The following SORCS3 variants were observed in gnomAD, a reference collection of about 807,000 sequenced individuals.
SORCS3 encodes VPS10 domain-containing receptor SorCS3.
A neutral mutation model predicts 146.3 loss-of-function variants in SORCS3; 57 were observed. The ratio of observed to expected loss-of-function variants is 0.39; its 90% CI spans 0.31 to 0.49. The LOEUF (loss-of-function observed/expected upper bound fraction) is 0.49. SORCS3 is among the 20% of genes least tolerant of loss of function. SORCS3 has a pLI of 0.92. For missense variants in SORCS3, 1,341 were observed against 1,575.5 expected, an observed-to-expected ratio of 0.85 and a Z score of 2.52; for synonymous variants, 653 against 618.5, an observed-to-expected ratio of 1.06 and a Z score of -0.83.
intron 14 of SORCS3, among the ~76,000 whole-genome samples, chr10:105,197,446 A>T (rs1043720633): frequency 2.6e-5 from 4 of 152,202 alleles, no homozygotes; most frequent in Admixed American, 2.6e-4. Flanking sequence ...TGTGCTGTAG[A>T]TTCAAACACT....
chr10:105,242,493 TA>T (rs1564793524), intron 20 of SORCS3, among the ~76,000 whole-genome samples: 7 of 17,278 alleles, frequency 4.1e-4, no homozygotes, highest in Non-Finnish European at 7.1e-4. Flanking sequence ...TTTATATATT[TA>T]TATATATTTA....
intron 5 of SORCS3, among the ~76,000 whole-genome samples, chr10:105,045,037 A>AAAAAAAAAAAAGAAAGAAAG (rs796179490): frequency 1.3e-4 from 17 of 128,736 alleles, no homozygotes; most frequent in African/African-American, 4.2e-4. Context: ...AAAAAAAAAA[A>AAAAAAAAAAAAGAAAGAAAG]AAAAGAAAGA....
chr10:105,197,449 C>A (rs1376580902), intron 14 of SORCS3, among the ~76,000 whole-genome samples: 1 of 152,168 alleles, frequency 6.6e-6, no homozygotes, highest in African/African-American at 2.4e-5. Flanking sequence ...GCTGTAGATT[C>A]AAACACTCAG....
chr10:104,716,887 GTTCT>G (rs2016485767), intron 1 of SORCS3, among the ~76,000 whole-genome samples: 1 of 152,208 alleles, frequency 6.6e-6, no homozygotes, highest in Non-Finnish European at 1.5e-5. Context: ...TGGCACTGCA[GTTCT>G]GACTGGAAGA....
intron 5 of SORCS3, among the ~76,000 whole-genome samples, chr10:105,062,342 A>T (rs2055493540): frequency 6.6e-6 from 1 of 152,198 alleles, no homozygotes. Flanking sequence ...CCAGGGCCTC[A>T]GTTTCTTCAT....
intron 1 of SORCS3, among the ~76,000 whole-genome samples, chr10:104,816,705 G>A (rs889118197): frequency 2.6e-5 from 4 of 152,260 alleles, no homozygotes; most frequent in Admixed American, 1.3e-4. Context: ...AAAGAGGGAG[G>A]GCTTGGAGGT....
At chr10:105,208,066 G>A (rs978737317) in intron 16 of SORCS3, among the ~76,000 whole-genome samples, 2 of 152,160 alleles carry the variant, frequency 1.3e-5, no homozygotes, top group East Asian at 3.9e-4. Flanking sequence ...TTCAGGCCAG[G>A]AACATGGGCT....
intron 14 of SORCS3, among the ~76,000 whole-genome samples, chr10:105,182,401 A>G (rs1036134035): frequency 6.6e-6 from 1 of 152,142 alleles, no homozygotes; most frequent in East Asian, 1.9e-4. Context: ...AAATAAGAGC[A>G]AGGAATGTGA....
chr10:104,805,695 T>C (rs1212238224), intron 1 of SORCS3, among the ~76,000 whole-genome samples: 1 of 152,090 alleles, frequency 6.6e-6, no homozygotes, highest in Non-Finnish European at 1.5e-5. Context: ...AGGGACCTGA[T>C]GCAAGTAAAA....
chr10:105,206,533 G>T lies in SORCS3; in HGVS notation c.2262-4604G>T, dbSNP rs113030492. Reference sequence around the variant, plus strand: ...CAGGAGGTAGTGGTGGGACTATGTAGACTTCCTGCTGAGGAAGAAAAGGAA... The same window carrying T: ...CAGGAGGTAGTGGTGGGACTATGTATACTTCCTGCTGAGGAAGAAAAGGAA... On this transcript the variant is annotated intron_variant, in intron 16 of 26. Transcript: ENST00000369701. 9.2e-4 allele frequency among the ~76,000 whole-genome samples: 140 copies of T among 152,300 alleles called. 2 individuals are homozygous for T. The highest frequency in any genetic ancestry group is 3.2e-3 in the African/African-American group (135 of 41,572).
intron 18 of SORCS3, 99 bp downstream of exon 18, chr10:105,214,712 A>G (rs2119649850): frequency 8.5e-7 from 1 of 1,177,740 alleles, no homozygotes; most frequent in Non-Finnish European, 1.2e-6. Context: ...CCTGCACCAA[A>G]GTCAATGGTG....
At chr10:104,954,458 G>T (rs1326518133) in intron 3 of SORCS3, among the ~76,000 whole-genome samples, 1 of 152,138 alleles carries the variant, frequency 6.6e-6, no homozygotes, top group Non-Finnish European at 1.5e-5. Context: ...TATAGTAAGT[G>T]CCTGTATACC....
intron 11 of SORCS3, among the ~76,000 whole-genome samples, chr10:105,162,737 G>A (rs1416659664): frequency 1.3e-5 from 2 of 152,094 alleles, no homozygotes; most frequent in Non-Finnish European, 2.9e-5. Flanking sequence ...TAAAGATGTT[G>A]ACAGAACCAG....
chr10:104,920,576 A>C (rs1373421350), intron 3 of SORCS3, among the ~76,000 whole-genome samples: 1 of 152,180 alleles, frequency 6.6e-6, no homozygotes, highest in Non-Finnish European at 1.5e-5. Flanking sequence ...TTGATAAATT[A>C]CCCCAAGACT....
intron 4 of SORCS3, among the ~76,000 whole-genome samples, chr10:104,992,326 G>A (rs1194146121): frequency 6.6e-6 from 1 of 152,194 alleles, no homozygotes; most frequent in Non-Finnish European, 1.5e-5. Flanking sequence ...GAAGAACATC[G>A]AGGGATCAGA....
intron 1 of SORCS3, among the ~76,000 whole-genome samples, chr10:104,782,665 G>A (rs2133493318): frequency 6.6e-6 from 1 of 152,272 alleles, no homozygotes; most frequent in East Asian, 1.9e-4. Context: ...GGTGAGATAG[G>A]AAGTGCCCTG....
intron 1 of SORCS3, among the ~76,000 whole-genome samples, chr10:104,757,245 C>T (rs972819853): frequency 6.6e-6 from 1 of 152,142 alleles, no homozygotes; most frequent in African/African-American, 2.4e-5. Context: ...ATGCAGTTAA[C>T]ATCTAACCCT....
At chr10:105,092,608 A>C (rs3222535) in intron 6 of SORCS3, among the ~76,000 whole-genome samples, 2 of 147,268 alleles carry the variant, frequency 1.4e-5, no homozygotes, top group East Asian at 4.0e-4. Context: ...TGCATTCACA[A>C]ACACACACAC....
At chr10:105,250,979 C>A (rs539238885) in intron 22 of SORCS3, among the ~76,000 whole-genome samples, 39 of 152,170 alleles carry the variant, frequency 2.6e-4, no homozygotes, top group Non-Finnish European at 5.1e-4. Context: ...TGCTTCTGTT[C>A]AATCTAGCAA....
Sources: allele counts gnomAD v4.1 joint callset (sites outside exome capture counted in the v4.1 genomes callset), GRCh38; gene constraint gnomAD v4.1.1; transcripts MANE v1.5; gene names NCBI Gene and HGNC (gene_info 2026-07-23, HGNC 2026-07-21).